The following ATP9A variants were observed in gnomAD, a reference collection of about 807,000 sequenced individuals.
ATP9A encodes probable phospholipid-transporting ATPase IIA.
In ATP9A, 52 loss-of-function variants were observed where a neutral mutation model predicts 144.1. The ratio of observed to expected loss-of-function variants is 0.36; its 90% CI spans 0.29 to 0.45. The LOEUF (loss-of-function observed/expected upper bound fraction) is 0.45. Ranked by LOEUF, ATP9A falls within the 20% of genes least tolerant of loss-of-function variation. ATP9A has a pLI of 1.00. For synonymous variants in ATP9A, 582 were observed against 557.4 expected, an observed-to-expected ratio of 1.04 and a Z score of -0.62; for missense variants, 947 against 1,392.7, an observed-to-expected ratio of 0.68 and a Z score of 5.09.
chr20:51,623,106 A>C (rs535216700), intron 18 of ATP9A, among the ~76,000 whole-genome samples: 7 of 152,310 alleles, frequency 4.6e-5, no homozygotes, highest in African/African-American at 7.2e-5. Flanking sequence ...GGGCAGAAGG[A>C]AGGCACCGGG....
At chr20:51,634,090 C>T (rs1026552880) in intron 15 of ATP9A, among the ~76,000 whole-genome samples, 5 of 152,112 alleles carry the variant, frequency 3.3e-5, no homozygotes, top group African/African-American at 1.2e-4. Flanking sequence ...AGCACAGAGT[C>T]CCTGTTCTTC....
intron 2 of ATP9A, among the ~76,000 whole-genome samples, chr20:51,727,229 C>T (rs890764938): frequency 3.3e-5 from 5 of 151,040 alleles, no homozygotes; most frequent in Non-Finnish European, 7.4e-5. Context: ...GAGCTGAGAT[C>T]GCGCCACTAC....
chr20:51,607,647 A>T, intron 25 of ATP9A, 63 bp from the exon 26 acceptor site: 1 of 1,324,812 alleles, frequency 7.5e-7, no homozygotes, highest in Admixed American at 1.8e-5. Flanking sequence ...GCATGCCATC[A>T]GCTTTCACGT....
At chr20:51,638,397 C>A (rs2077304391) in intron 15 of ATP9A, among the ~76,000 whole-genome samples, 1 of 151,518 alleles carries the variant, frequency 6.6e-6, no homozygotes, top group South Asian at 2.1e-4. Context: ...ATGTGAGGAA[C>A]CACCCCACTC....
intron 26 of ATP9A, among the ~76,000 whole-genome samples, chr20:51,605,261 A>C (rs995725946): frequency 6.6e-6 from 1 of 152,230 alleles, no homozygotes; most frequent in Non-Finnish European, 1.5e-5. Flanking sequence ...AAAAGGAAGT[A>C]AGGCAGGGAG....
intron 1 of ATP9A, among the ~76,000 whole-genome samples, chr20:51,763,352 G>T (rs896632882): frequency 6.8e-6 from 1 of 146,204 alleles, no homozygotes; most frequent in Non-Finnish European, 1.5e-5. Flanking sequence ...TCGCTGTGTC[G>T]CCCAGGCTAC....
At chr20:51,618,525 G>A (rs2122720175) in intron 21 of ATP9A, 137 bp downstream of exon 21, 1 of 1,255,764 alleles carries the variant, frequency 8.0e-7, no homozygotes, top group South Asian at 1.5e-5. Context: ...AGTCTGAGAG[G>A]TGGAGAAAAA....
chr20:51,724,159 G>A (rs898616476), intron 3 of ATP9A, among the ~76,000 whole-genome samples: 6 of 151,640 alleles, frequency 4.0e-5, no homozygotes, highest in Admixed American at 6.6e-5. Context: ...CAATAAGAGC[G>A]AAACTCCATC....
At chr20:51,607,608 T>G (rs551441379) in intron 25 of ATP9A, 24 bp from the exon 26 acceptor site, 1 of 1,599,922 alleles carries the variant, frequency 6.3e-7, no homozygotes, top group South Asian at 1.1e-5. Flanking sequence ...AGAGAAAGGT[T>G]AGAGCCGGTT....
intron 13 of ATP9A, among the ~76,000 whole-genome samples, chr20:51,662,552 A>G (rs547176571): frequency 6.6e-6 from 1 of 152,100 alleles, no homozygotes; most frequent in South Asian, 2.1e-4. Flanking sequence ...CTCAAAAAAA[A>G]AAAAAAAATT....
At chr20:51,711,852 ATTTTTT>A (rs11469394) in intron 4 of ATP9A, among the ~76,000 whole-genome samples, 2,749 of 120,902 alleles carry the variant, frequency 0.023, 85 homozygotes, top group African/African-American at 0.081. Context: ...TTCAATTTCA[ATTTTTT>A]TTTTTTTTTT....
At chr20:51,635,802 G>GGAGGAAGGAAGGAAGGA (rs2077288638) in intron 15 of ATP9A, among the ~76,000 whole-genome samples, 1 of 46,654 alleles carries the variant, frequency 2.1e-5, no homozygotes, top group African/African-American at 7.1e-5. Flanking sequence ...AGGAGGGGAG[G>GGAGGAAGGAAGGAAGGA]AGGAAGGAAG....
At chr20:51,683,288 G>A (rs1046042474) in intron 9 of ATP9A, among the ~76,000 whole-genome samples, 1 of 151,506 alleles carries the variant, frequency 6.6e-6, no homozygotes, top group Non-Finnish European at 1.5e-5. Flanking sequence ...TTTTTGAGAC[G>A]GAGTCTCGCT....
Position 51,675,987 on chromosome 20 carries a change from C to T in ATP9A, c.876+145G>A, listed in dbSNP as rs2122794657. ...ATGTGTATTGTATATGTATTTATTGCATACACACACACACATATGCATAAA... is the reference window on the plus strand; with the variant it reads ...ATGTGTATTGTATATGTATTTATTGTATACACACACACACATATGCATAAA... On this transcript the variant is annotated intron_variant, in intron 10 of 27. Coordinates refer to ENST00000338821, the MANE Select transcript of ATP9A (RefSeq NM_006045.3). 5 of 570,042 alleles carry T rather than the reference C, an allele frequency of 8.8e-6. 1 individual carries two copies. The South Asian group carries it at 1.1e-4, about 12-fold the overall frequency. 35.3% of individuals were successfully genotyped at this position (570,042 alleles called of 1,614,324 possible). A position where few individuals can be genotyped will look rare whatever the true frequency, so the allele number is the denominator to read the frequency against.
intron 3 of ATP9A, among the ~76,000 whole-genome samples, chr20:51,719,808 A>T (rs1287138383): frequency 6.6e-6 from 1 of 151,532 alleles, no homozygotes; most frequent in African/African-American, 2.4e-5. Context: ...ATACTTTGGG[A>T]GGCCAAGGCG....
chr20:51,709,862 TA>T (rs1180135918), intron 4 of ATP9A, among the ~76,000 whole-genome samples: 1 of 152,236 alleles, frequency 6.6e-6, no homozygotes, highest in Non-Finnish European at 1.5e-5. Context: ...AAAATTTAAC[TA>T]CAATAATACA....
chr20:51,712,683 G>C (rs2122850286), intron 4 of ATP9A, among the ~76,000 whole-genome samples: 1 of 152,338 alleles, frequency 6.6e-6, no homozygotes, highest in South Asian at 2.1e-4. Context: ...GGATTAGCCA[G>C]CTGGGATGCC....
Position 51,613,796 on chromosome 20 carries a change from T to C in ATP9A, c.2452A>G (p.Ile818Val), listed in dbSNP as rs1286066344. Residue 818 changes from isoleucine to valine, a missense_variant, in exon 23 of 28, where the codon ATC becomes GTC. Ile to Val is a conservative substitution (Grantham distance 29). Transcript: ENST00000338821. ...KQASLAADFSITQFKHLGRLL... is the reference protein window; with the variant it reads ...KQASLAADFSVTQFKHLGRLL... ...CGGCCAAGATGCTTAAATTGAGTGA[T>C]GGAGAAGTCTGCAGCCAACGAAGCC... The C allele has an allele frequency of 5.6e-6, 9 of 1,613,788 alleles. No homozygotes were observed. The highest frequency in any genetic ancestry group is 1.1e-5 in the South Asian group (1 of 91,078).
intron 3 of ATP9A, among the ~76,000 whole-genome samples, chr20:51,713,575 A>G (rs1447410684): frequency 6.6e-6 from 1 of 152,208 alleles, no homozygotes; most frequent in Non-Finnish European, 1.5e-5. Flanking sequence ...TAAAGCTACT[A>G]AGTGATAAAT....
Sources: allele counts gnomAD v4.1 joint callset (sites outside exome capture counted in the v4.1 genomes callset), GRCh38; gene constraint gnomAD v4.1.1; transcripts MANE v1.5; gene names NCBI Gene and HGNC (gene_info 2026-07-23, HGNC 2026-07-21).